Variants in SMCHD1 observed in about 807,000 individuals in gnomAD.
The protein encoded by SMCHD1 is structural maintenance of chromosomes flexible hinge domain-containing protein 1.
A neutral mutation model predicts 254.7 loss-of-function variants in SMCHD1; 78 were observed. The observed-to-expected ratio is 0.31, with a 90% CI of 0.26 to 0.37. The LOEUF is 0.37. SMCHD1 is among the 10% of genes least tolerant of loss of function. SMCHD1 has a pLI of 1.00. For missense variants in SMCHD1, 1,840 were observed against 2,408.1 expected (o/e 0.76, Z 4.94); for synonymous variants, 766 against 794.9 (o/e 0.96, Z 0.61).
Position 2,786,754 on chromosome 18 carries a change from C to A in SMCHD1, c.5719+2133C>A, listed in dbSNP as rs969238618. Among the ~76,000 whole-genome samples, 6 of 152,272 alleles carry A rather than the reference C, an allele frequency of 3.9e-5. No homozygotes were observed. In the East Asian group the frequency reaches 1.2e-3, roughly 29 times the overall value. ...TTCTTTTTGGCTCCTCCACTCCCTA[C>A]CACCACTCCATACTCAAAGGATAAC... is the stretch of plus-strand genomic sequence containing the variant. On this transcript the variant is annotated intron_variant, in intron 45 of 47. Transcript: ENST00000320876.
intron 17 of SMCHD1, among the ~76,000 whole-genome samples, chr18:2,716,785 C>T (rs1487311389): frequency 1.3e-5 from 2 of 152,210 alleles, no homozygotes; most frequent in South Asian, 2.1e-4. Context: ...GTTGGATTCC[C>T]TCCTACCATC....
intron 47 of SMCHD1, chr18:2,801,034 A>C (rs1037468261): frequency 2.6e-5 from 4 of 152,216 alleles, no homozygotes; most frequent in African/African-American, 7.2e-5. Flanking sequence ...AGGAGGATTA[A>C]AGTCCAAAAA....
intron 7 of SMCHD1, among the ~76,000 whole-genome samples, chr18:2,692,963 C>T (rs2143101682): frequency 6.6e-6 from 1 of 152,266 alleles, no homozygotes; most frequent in East Asian, 1.9e-4. Context: ...AGACTAATCT[C>T]CTGACTCAAA....
At chr18:2,709,172 T>G (rs2074605934) in intron 17 of SMCHD1, among the ~76,000 whole-genome samples, 1 of 149,972 alleles carries the variant, frequency 6.7e-6, no homozygotes, top group African/African-American at 2.4e-5. Flanking sequence ...TGTGTCAGAA[T>G]TCCCATTCCT....
At chr18:2,779,280 A>G (rs1188629087) in intron 44 of SMCHD1, among the ~76,000 whole-genome samples, 2 of 152,152 alleles carry the variant, frequency 1.3e-5, no homozygotes, top group Non-Finnish European at 2.9e-5. Context: ...TGCCTGCCTT[A>G]TGTAGCTGGC....
At chr18:2,727,173 A>G (rs2075042859) in intron 22 of SMCHD1, 1 of 152,138 alleles carries the variant, frequency 6.6e-6, no homozygotes, top group South Asian at 2.1e-4. Context: ...ACACAGTTCC[A>G]ATATGCGTGA....
intron 3 of SMCHD1, among the ~76,000 whole-genome samples, chr18:2,670,651 A>G (rs1213196724): frequency 6.6e-6 from 1 of 152,134 alleles, no homozygotes; most frequent in African/African-American, 2.4e-5. Flanking sequence ...CTGTAATCCC[A>G]GCACTTTGGG....
At chr18:2,703,113 TAAAAA>T (rs1175557334) in intron 12 of SMCHD1, among the ~76,000 whole-genome samples, 2 of 152,220 alleles carry the variant, frequency 1.3e-5, no homozygotes, top group African/African-American at 4.8e-5. Flanking sequence ...AAGAGAAAAT[TAAAAA>T]GAAAAGTACA....
At position 2,656,016 on chromosome 18, in the gene SMCHD1, G is replaced by C. The variant is rs2073042449; in HGVS notation, c.-60G>C. ...GAGCTGAAGGCGCCGCGCGGAGCGC[G>C]CACCTCAGCCCTGAGCCCGGCGGCG... On this transcript the variant is annotated 5_prime_UTR_variant, in exon 1 of 48. Coordinates refer to ENST00000320876, the MANE Select transcript of SMCHD1 (RefSeq NM_015295.3). 1 of 1,232,742 alleles carries C rather than the reference G, an allele frequency of 8.1e-7. No individual in the cohort carries two copies. The highest frequency in any genetic ancestry group is 3.2e-5 in the East Asian group (1 of 31,612). 76.4% of individuals were successfully genotyped at this position (1,232,742 alleles called of 1,614,324 possible).
At chr18:2,682,719 TTAAGA>T (rs2073961727) in intron 5 of SMCHD1, among the ~76,000 whole-genome samples, 1 of 152,254 alleles carries the variant, frequency 6.6e-6, no homozygotes, top group African/African-American at 2.4e-5. Flanking sequence ...AGATTATGAA[TTAAGA>T]TATTTTCTGA....
At chr18:2,762,061 G>A (rs748109525) in intron 35 of SMCHD1, 44 bp from the exon 36 acceptor site, 2 of 1,550,524 alleles carry the variant, frequency 1.3e-6, no homozygotes, top group African/African-American at 1.4e-5. Flanking sequence ...AAATGCTAAA[G>A]CATCAATATA....
chr18:2,666,782 CATAG>C (rs2073451928), intron 2 of SMCHD1, 84 bp from the exon 3 acceptor site: 1 of 1,072,224 alleles, frequency 9.3e-7, no homozygotes. Context: ...AAAGATATTT[CATAG>C]ATAGAATTTG....
chr18:2,660,157 C>T (rs1390684827), intron 1 of SMCHD1, among the ~76,000 whole-genome samples: 1 of 152,014 alleles, frequency 6.6e-6, no homozygotes, highest in Non-Finnish European at 1.5e-5. Context: ...AACCCCGTCT[C>T]TACTAAAAAT....
In SMCHD1 at chr18:2,674,664, A is replaced by G. The variant is rs146129361; in HGVS notation, c.638+519A>G. Among the ~76,000 whole-genome samples the G allele has an allele frequency of 2.5e-4, 38 of 152,346 alleles. 2 individuals are homozygous for G. Among genetic ancestry groups the G allele is most frequent in the Admixed American group, 9.1e-4 (14 of 15,304 alleles). ...CAAAATGTGCTAAAAGCCATCAGAC[A>G]TAAAAAAGATTTAGATTCTTGAGAT... is the stretch of plus-strand genomic sequence containing the variant. On this transcript the variant is annotated intron_variant, in intron 5 of 47. Transcript: ENST00000320876.
In SMCHD1 at chr18:2,697,936, T is replaced by C; in HGVS notation, c.1237T>C (p.Phe413Leu). Residue 413 changes from phenylalanine (F) to leucine (L), a missense_variant, in exon 10 of 48, where the codon TTC becomes CTC. This residue lies in a region of SMCHD1 where 498 missense variants were observed against 743.5 expected (regional missense o/e 0.67). Coordinates refer to ENST00000320876, the MANE Select transcript of SMCHD1 (RefSeq NM_015295.3). ...AAACACAGCAGCTGATAGTTTTGAATTCAAAGCTCATGTTGAAGGAGATGG... is the reference window on the plus strand; with the variant it reads ...AAACACAGCAGCTGATAGTTTTGAACTCAAAGCTCATGTTGAAGGAGATGG... ...YVNTAADSFE[F>L]KAHVEGDGVV... 1 of 1,613,710 alleles carries C rather than the reference T, an allele frequency of 6.2e-7. No individual in the cohort carries two copies. The highest frequency in any genetic ancestry group is 8.5e-7 in the Non-Finnish European group (1 of 1,179,696).
chr18:2,693,823 G>A (rs371783218), intron 7 of SMCHD1, among the ~76,000 whole-genome samples: 1 of 152,252 alleles, frequency 6.6e-6, no homozygotes, highest in East Asian at 1.9e-4. Context: ...TAGAGATGGG[G>A]TTTCGGCTTG....
intron 5 of SMCHD1, among the ~76,000 whole-genome samples, chr18:2,675,905 C>G (rs1045548086): frequency 6.6e-6 from 1 of 152,160 alleles, no homozygotes; most frequent in Non-Finnish European, 1.5e-5. Flanking sequence ...TGGCAAAAAT[C>G]TTTTTGCTGC....
intron 1 of SMCHD1, among the ~76,000 whole-genome samples, chr18:2,663,360 C>T (rs2073348291): frequency 6.6e-6 from 1 of 152,162 alleles, no homozygotes; most frequent in Admixed American, 6.5e-5. Flanking sequence ...AATCCGCCCA[C>T]CTTGGCCTCC....
intron 7 of SMCHD1, among the ~76,000 whole-genome samples, chr18:2,693,776 C>T (rs1197524197): frequency 3.3e-5 from 5 of 152,024 alleles, no homozygotes; most frequent in African/African-American, 9.7e-5. Flanking sequence ...GGTTTATAGG[C>T]GTGTACCACC....
Sources: allele counts gnomAD v4.1 joint callset (sites outside exome capture counted in the v4.1 genomes callset), GRCh38; gene constraint gnomAD v4.1.1; regional missense constraint gnomAD v4.1.1; transcripts MANE v1.5; gene names NCBI Gene and HGNC (gene_info 2026-07-23, HGNC 2026-07-21).